The following LRBA variants were observed in gnomAD, a reference collection of about 807,000 sequenced individuals.
LRBA encodes lipopolysaccharide-responsive and beige-like anchor protein.
In LRBA, 176 loss-of-function variants were observed where a neutral mutation model predicts 330.0. The ratio of observed to expected loss-of-function variants is 0.53; its 90% CI spans 0.47 to 0.60. The LOEUF is 0.60. Ranked by LOEUF, LRBA falls within the 20% of genes least tolerant of loss-of-function variation. The pLI, the probability that LRBA is intolerant of heterozygous loss-of-function variation, is 0.00. For synonymous variants in LRBA, 1,230 were observed against 1,193.0 expected (o/e 1.03, Z -0.64); for missense variants, 3,259 against 3,444.8 (o/e 0.95, Z 1.35).
intron 47 of LRBA, among the ~76,000 whole-genome samples, chr4:150,415,197 T>A (rs933629271): frequency 6.6e-6 from 1 of 152,246 alleles, no homozygotes; most frequent in South Asian, 2.1e-4. Context: ...AAATTTTGAA[T>A]CATCATGTAT....
intron 56 of LRBA, among the ~76,000 whole-genome samples, chr4:150,271,892 T>G (rs1746163272): frequency 6.6e-6 from 1 of 152,154 alleles, no homozygotes; most frequent in African/African-American, 2.4e-5. Flanking sequence ...CCCATCTCCC[T>G]GGGACAGAGC....
chr4:150,721,397 C>T (rs374753850), intron 36 of LRBA: 76 of 289,506 alleles, frequency 2.6e-4, no homozygotes, highest in African/African-American at 1.4e-3. Context: ...CTCAGGGAAC[C>T]GAAGTCAAAG....
chr4:150,280,579 C>A (rs1358764482), intron 55 of LRBA, among the ~76,000 whole-genome samples: 2 of 152,228 alleles, frequency 1.3e-5, no homozygotes, highest in African/African-American at 2.4e-5. Context: ...TGCCACAGAG[C>A]AATCTGGCAT....
chr4:150,812,691 A>T (rs1743920410), intron 31 of LRBA, among the ~76,000 whole-genome samples: 1 of 152,190 alleles, frequency 6.6e-6, no homozygotes, highest in Non-Finnish European at 1.5e-5. Context: ...GTACTAATTA[A>T]TAATGTATAT....
chr4:150,608,674 T>C (rs1774921992), intron 37 of LRBA, among the ~76,000 whole-genome samples: 1 of 152,220 alleles, frequency 6.6e-6, no homozygotes, highest in South Asian at 2.1e-4. Context: ...TTTACAGAGT[T>C]GTACAATCAT....
intron 2 of LRBA, among the ~76,000 whole-genome samples, chr4:150,953,458 C>A (rs1024814083): frequency 1.1e-4 from 17 of 150,880 alleles, no homozygotes; most frequent in African/African-American, 3.9e-4. Context: ...TCACTGCAAC[C>A]TCCCTGCCTG....
intron 37 of LRBA, among the ~76,000 whole-genome samples, chr4:150,634,366 T>G (rs1394250196): frequency 6.6e-6 from 1 of 152,156 alleles, no homozygotes; most frequent in Admixed American, 6.5e-5. Flanking sequence ...CCACTTCTGT[T>G]TATTATGGGA....
chr4:150,916,677 C>T lies in LRBA; in HGVS notation c.707G>A (p.Trp236Ter). 2 of 1,599,482 alleles carry T rather than the reference C, an allele frequency of 1.3e-6. No homozygotes were observed. Among genetic ancestry groups the T allele is most frequent in the Non-Finnish European group, 1.7e-6 (2 of 1,174,320 alleles). Residue 236 changes from tryptophan (W) to a stop codon, truncating the protein, a stop_gained, in exon 6 of 57, where the codon TGG (tryptophan) becomes TAG (stop). Coordinates refer to ENST00000651943, the MANE Select transcript of LRBA (RefSeq NM_001364905.1). LOFTEE classifies it high-confidence loss of function. ...GTTATTTACAGGATCCATTCTAAGC[C>T]ATGTATGAAATGTAAAACCATTCTG... ...PYQNGFTFHTWLRMDPVNNIN... is the reference protein window; with the variant it reads ...PYQNGFTFHT
At chr4:150,745,771 C>T (rs963707377) in intron 35 of LRBA, among the ~76,000 whole-genome samples, 5 of 152,096 alleles carry the variant, frequency 3.3e-5, no homozygotes, top group African/African-American at 1.2e-4. Flanking sequence ...GCCTTGGCCT[C>T]CCAAAGTGCT....
intron 47 of LRBA, among the ~76,000 whole-genome samples, chr4:150,364,775 T>A (rs954560147): frequency 6.6e-6 from 1 of 152,244 alleles, no homozygotes; most frequent in South Asian, 2.1e-4. Context: ...AACTGGAATG[T>A]AAGCTCCTAG....
intron 26 of LRBA, among the ~76,000 whole-genome samples, chr4:150,847,853 T>C (rs1750052093): frequency 6.6e-6 from 1 of 152,218 alleles, no homozygotes; most frequent in Admixed American, 6.5e-5. Flanking sequence ...GATTTCATGA[T>C]TTTATTAACT....
chr4:150,601,982 C>A (rs957921970), intron 37 of LRBA, among the ~76,000 whole-genome samples: 1 of 151,832 alleles, frequency 6.6e-6, no homozygotes, highest in African/African-American at 2.4e-5. Context: ...TGAGCCACCG[C>A]ACCCGGCCTA....
intron 52 of LRBA, among the ~76,000 whole-genome samples, chr4:150,303,320 C>T (rs1729914429): frequency 6.6e-6 from 1 of 152,052 alleles, no homozygotes; most frequent in South Asian, 2.1e-4. Context: ...GAGCTTCTAC[C>T]TTTTCAAATC....
chr4:150,754,848 G>T (rs1164032017), intron 35 of LRBA, among the ~76,000 whole-genome samples: 1 of 152,042 alleles, frequency 6.6e-6, no homozygotes, highest in Non-Finnish European at 1.5e-5. Flanking sequence ...AAAGCACATG[G>T]CTCTTTAAGT....
chr4:150,588,644 T>C (rs1772420725), intron 39 of LRBA, among the ~76,000 whole-genome samples: 2 of 152,234 alleles, frequency 1.3e-5, no homozygotes, highest in Non-Finnish European at 2.9e-5. Context: ...AGCTTATTAA[T>C]GAAGTGGGAA....
At position 150,361,772 on chromosome 4, in the gene LRBA, CT is replaced by C. The variant is rs568876677; in HGVS notation, c.7195-11614del. 8.5e-3 allele frequency among the ~76,000 whole-genome samples: 1,186 copies of C among 139,668 alleles called. 13 individuals carry two copies. Among genetic ancestry groups the C allele is most frequent in the African/African-American group, 0.028 (1,077 of 37,828 alleles). 91.6% of individuals were successfully genotyped at this position (139,668 alleles called of 152,430 possible). A position where few individuals can be genotyped will look rare whatever the true frequency, so the allele number is the denominator to read the frequency against. On this transcript the variant is annotated intron_variant, in intron 47 of 56. Transcript: ENST00000651943. ...AAAATGCCAACTGCCCATCATACTACTTTTTTTTTTTTTTTTGAGACGGAGT... is the reference window on the plus strand; with the variant it reads ...AAAATGCCAACTGCCCATCATACTACTTTTTTTTTTTTTTTGAGACGGAGT...
chr4:150,451,281 A>C (rs1245447874), intron 44 of LRBA, among the ~76,000 whole-genome samples: 1 of 152,222 alleles, frequency 6.6e-6, no homozygotes, highest in Admixed American at 6.5e-5. Flanking sequence ...ATGGAACATT[A>C]ATCAAGGTAG....
At chr4:150,764,542 C>A (rs1278844294) in intron 34 of LRBA, among the ~76,000 whole-genome samples, 2 of 151,956 alleles carry the variant, frequency 1.3e-5, no homozygotes, top group African/African-American at 4.8e-5. Flanking sequence ...TAAAAGACAT[C>A]TGATAAAGAA....
At chr4:150,328,627 C>T (rs888844408) in intron 48 of LRBA, among the ~76,000 whole-genome samples, 10 of 151,870 alleles carry the variant, frequency 6.6e-5, no homozygotes, top group African/African-American at 2.4e-4. Flanking sequence ...TCGTTAAGCC[C>T]TAGGATGAAA....
Sources: gnomAD v4.1 joint callset for allele counts (sites outside exome capture counted in the v4.1 genomes callset) on GRCh38, gnomAD v4.1.1 for gene constraint, MANE v1.5 for transcripts, NCBI Gene and HGNC (gene_info 2026-07-23, HGNC 2026-07-21) for gene names.